NBEA: variants seen among roughly 807,000 people sequenced by gnomAD.
The protein encoded by NBEA is lysosomal-trafficking regulator 2.
NBEA carries 44 observed loss-of-function variants against 343.4 expected under a neutral mutation model. That is an observed-to-expected ratio of 0.13 (90% CI 0.10 to 0.16). NBEA has a LOEUF of 0.16. NBEA is among the 10% of genes least tolerant of loss of function. The pLI, the probability that NBEA is intolerant of heterozygous loss-of-function variation, is 1.00. For synonymous variants in NBEA, 1,175 were observed against 1,238.7 expected (o/e 0.95, Z 1.08); for missense variants, 2,555 against 3,631.3 (o/e 0.70, Z 7.62).
At chr13:35,093,645 A>G (rs1163373842) in intron 10 of NBEA, among the ~76,000 whole-genome samples, 1 of 151,990 alleles carries the variant, frequency 6.6e-6, no homozygotes, top group African/African-American at 2.4e-5. Context: ...AAGATCATCC[A>G]TGTGTAATTA....
At chr13:35,286,383 T>C (rs1002263752) in intron 34 of NBEA, among the ~76,000 whole-genome samples, 5 of 152,174 alleles carry the variant, frequency 3.3e-5, no homozygotes, top group Non-Finnish European at 5.9e-5. Flanking sequence ...CATAGATGTC[T>C]GTCAGAGTCT....
In NBEA at chr13:35,523,190, A is replaced by G. The variant is rs535221092; in HGVS notation, c.6586-27287A>G. Reference sequence around the variant, plus strand: ...AAAATACTGTGCCAGAAACCTTTCCATCCACTATTTAATCACTCTATTGTC... The same window carrying G: ...AAAATACTGTGCCAGAAACCTTTCCGTCCACTATTTAATCACTCTATTGTC... On this transcript the variant is annotated intron_variant, in intron 41 of 58. Transcript: ENST00000379939. Among the ~76,000 whole-genome samples the G allele has an allele frequency of 2.6e-5, 4 of 152,230 alleles. No individual in the cohort carries two copies. In the East Asian group the frequency reaches 7.7e-4, roughly 29 times the overall value.
chr13:35,252,119 G>T (rs1362798704), intron 34 of NBEA, among the ~76,000 whole-genome samples: 3 of 152,134 alleles, frequency 2.0e-5, no homozygotes. Context: ...AAGGAAAGAG[G>T]TTTAATTGAT....
In NBEA at chr13:35,363,785, G is replaced by A. The variant is rs140845516; in HGVS notation, c.6179+11462G>A. On this transcript the variant is annotated intron_variant, in intron 38 of 58. Coordinates refer to ENST00000379939, the MANE Select transcript of NBEA (RefSeq NM_001385012.1). ...TTCTCCCTTGGATGTTTGAACCTCT[G>A]ACAGTTAACTCATCATGTTCTAGCT... Among the ~76,000 whole-genome samples, 624 of 152,034 alleles carry A rather than the reference G, an allele frequency of 4.1e-3. 6 individuals are homozygous for A. The highest frequency in any genetic ancestry group is 0.014 in the African/African-American group (598 of 41,534).
intron 31 of NBEA, among the ~76,000 whole-genome samples, chr13:35,197,709 G>T (rs1002756053): frequency 6.6e-6 from 1 of 152,002 alleles, no homozygotes; most frequent in Non-Finnish European, 1.5e-5. Context: ...CAACATCTTG[G>T]CCAGGCTGGT....
chr13:34,954,100 G>A (rs1190320524), intron 1 of NBEA, among the ~76,000 whole-genome samples: 3 of 152,132 alleles, frequency 2.0e-5, no homozygotes, highest in African/African-American at 7.2e-5. Flanking sequence ...AAAGAATATA[G>A]TATAGAACTA....
intron 35 of NBEA, among the ~76,000 whole-genome samples, chr13:35,304,438 T>G (rs1365642644): frequency 2.0e-5 from 3 of 152,028 alleles, no homozygotes; most frequent in Admixed American, 6.6e-5. Context: ...CACTGCAACC[T>G]CTGCCTCCTG....
intron 34 of NBEA, among the ~76,000 whole-genome samples, chr13:35,287,308 G>C (rs2035492215): frequency 6.6e-6 from 1 of 152,016 alleles, no homozygotes. Flanking sequence ...CATATGTACA[G>C]CTCCTTTGGG....
chr13:35,185,136 C>A (rs1369516523), intron 30 of NBEA, among the ~76,000 whole-genome samples: 1 of 152,070 alleles, frequency 6.6e-6, no homozygotes, highest in East Asian at 1.9e-4. Context: ...ATGGAGGTGA[C>A]CATCTTATTG....
chr13:35,123,030 G>T (rs1346119611), intron 16 of NBEA, among the ~76,000 whole-genome samples: 1 of 152,144 alleles, frequency 6.6e-6, no homozygotes, highest in South Asian at 2.1e-4. Context: ...GGTGGCTCAC[G>T]CCTGTAATTC....
At chr13:35,201,184 C>A (rs2072997066) in intron 31 of NBEA, among the ~76,000 whole-genome samples, 1 of 151,886 alleles carries the variant, frequency 6.6e-6, no homozygotes, top group Non-Finnish European at 1.5e-5. Context: ...AGGTCAATTG[C>A]TGGAAGATTC....
rs149814320 is a variant in NBEA, at chr13:34,953,660, C to T, written c.294+10546C>T. On this transcript the variant is annotated intron_variant, in intron 1 of 58. Transcript: ENST00000379939. ...CCTCTGTATCCATGGGTTCCATATCCGTGAATTCAGTTTGGATAGAAAATA... is the reference window on the plus strand; with the variant it reads ...CCTCTGTATCCATGGGTTCCATATCTGTGAATTCAGTTTGGATAGAAAATA... 5.4e-3 allele frequency among the ~76,000 whole-genome samples: 820 copies of T among 152,172 alleles called. 9 individuals carry two copies. The highest frequency in any genetic ancestry group is 0.018 in the African/African-American group (764 of 41,516).
At chr13:35,273,916 A>C (rs1449118649) in intron 34 of NBEA, among the ~76,000 whole-genome samples, 2 of 152,204 alleles carry the variant, frequency 1.3e-5, no homozygotes, top group Non-Finnish European at 2.9e-5. Context: ...ACAGATTCAC[A>C]GCCGAATTCT....
intron 49 of NBEA, among the ~76,000 whole-genome samples, chr13:35,635,364 G>C (rs1025076860): frequency 6.6e-6 from 1 of 152,038 alleles, no homozygotes; most frequent in Non-Finnish European, 1.5e-5. Context: ...GGATATCCAG[G>C]GTTCTTCTCC....
At chr13:35,219,879 C>T (rs1002809775) in intron 33 of NBEA, among the ~76,000 whole-genome samples, 1 of 152,102 alleles carries the variant, frequency 6.6e-6, no homozygotes, top group African/African-American at 2.4e-5. Flanking sequence ...AAGCCTTCTT[C>T]CATGAAGGAG....
At chr13:35,539,911 G>C (rs1331966084) in intron 41 of NBEA, among the ~76,000 whole-genome samples, 1 of 32,812 alleles carries the variant, frequency 3.0e-5, no homozygotes, top group South Asian at 1.1e-3. Context: ...GCAAGACTCC[G>C]TCTCAAAAAA....
At chr13:35,128,232 T>C (rs2067231350) in intron 17 of NBEA, among the ~76,000 whole-genome samples, 1 of 149,050 alleles carries the variant, frequency 6.7e-6, no homozygotes. Flanking sequence ...ACTTAAAGTA[T>C]AATAATAAAA....
chr13:35,546,255 A>G (rs1317721183), intron 41 of NBEA, among the ~76,000 whole-genome samples: 2 of 152,288 alleles, frequency 1.3e-5, no homozygotes, highest in African/African-American at 4.8e-5. Context: ...ACTTGAGGTC[A>G]GGCATTCAAG....
intron 45 of NBEA, among the ~76,000 whole-genome samples, chr13:35,574,387 AAAG>A (rs1391246890): frequency 7.9e-6 from 1 of 126,248 alleles, no homozygotes; most frequent in African/African-American, 3.4e-5. Flanking sequence ...TATCAAAAAA[AAAG>A]AAAAACAAAA....
Sources: allele counts gnomAD v4.1 joint callset (sites outside exome capture counted in the v4.1 genomes callset), GRCh38; gene constraint gnomAD v4.1.1; transcripts MANE v1.5; gene names NCBI Gene and HGNC (gene_info 2026-07-23, HGNC 2026-07-21).